The following CFAP20DC variants were observed in gnomAD, a reference collection of about 807,000 sequenced individuals.
CFAP20DC encodes CFAP20 domain containing.
In CFAP20DC, 84 loss-of-function variants were observed where a neutral mutation model predicts 101.7. The ratio of observed to expected loss-of-function variants is 0.83; its 90% CI spans 0.69 to 0.99. The LOEUF is 0.99. Ranked by LOEUF, CFAP20DC falls within the 50% of genes least tolerant of loss-of-function variation. The pLI is 0.00. For synonymous variants in CFAP20DC, 359 were observed against 351.2 expected (o/e 1.02, Z -0.25); for missense variants, 1,007 against 970.3 (o/e 1.04, Z -0.50).
intron 16 of CFAP20DC, among the ~76,000 whole-genome samples, chr3:58,743,469 T>C (rs528410043): frequency 6.6e-6 from 1 of 151,664 alleles, no homozygotes; most frequent in South Asian, 2.1e-4. Context: ...TAGAAAGAGG[T>C]AATAAGAAAA....
At chr3:58,980,505 C>A (rs904679461) in intron 4 of CFAP20DC, among the ~76,000 whole-genome samples, 76 of 152,154 alleles carry the variant, frequency 5.0e-4, no homozygotes, top group Non-Finnish European at 9.7e-4. Context: ...AGCTTATCCA[C>A]CATGATCAAG....
At chr3:58,959,521 TAGTCTTC>T (rs2090950751) in intron 4 of CFAP20DC, among the ~76,000 whole-genome samples, 1 of 152,232 alleles carries the variant, frequency 6.6e-6, no homozygotes, top group Admixed American at 6.5e-5. Context: ...GAAAAAAACC[TAGTCTTC>T]TGCCCATTAA....
At chr3:58,723,636 T>C (rs527900212) in intron 3 of CFAP20DC, among the ~76,000 whole-genome samples, 6 of 152,204 alleles carry the variant, frequency 3.9e-5, no homozygotes, top group South Asian at 2.1e-4. Flanking sequence ...TAGGAGCAGA[T>C]TGTGGTGACA....
chr3:58,766,672 TC>T (rs2070342770), intron 15 of CFAP20DC, among the ~76,000 whole-genome samples: 1 of 152,202 alleles, frequency 6.6e-6, no homozygotes, highest in South Asian at 2.1e-4. Context: ...TAGACTAGTC[TC>T]TACGTATTTT....
intron 13 of CFAP20DC, among the ~76,000 whole-genome samples, chr3:58,833,538 A>G (rs868447084): frequency 5.3e-5 from 8 of 152,258 alleles, no homozygotes; most frequent in Middle Eastern, 6.8e-3. Flanking sequence ...CTTCACACCC[A>G]TTAGGATGGT....
chr3:58,735,670 C>T (rs766087578), intron 3 of CFAP20DC, among the ~76,000 whole-genome samples: 1 of 152,116 alleles, frequency 6.6e-6, no homozygotes, highest in Non-Finnish European at 1.5e-5. Context: ...GTAGGAATCT[C>T]CATGAATGGG....
intron 3 of CFAP20DC, among the ~76,000 whole-genome samples, chr3:58,731,878 A>G (rs1285422151): frequency 6.6e-6 from 1 of 152,230 alleles, no homozygotes; most frequent in Non-Finnish European, 1.5e-5. Flanking sequence ...TTGTTGGTCA[A>G]TAGTGCCACC....
chr3:58,818,208 G>T (rs1045120478), intron 14 of CFAP20DC, among the ~76,000 whole-genome samples: 1 of 151,814 alleles, frequency 6.6e-6, no homozygotes, highest in African/African-American at 2.4e-5. Context: ...AAAGACCATC[G>T]AGACTAGAAA....
At chr3:58,807,529 A>C in intron 14 of CFAP20DC, among the ~76,000 whole-genome samples, 1 of 152,220 alleles carries the variant, frequency 6.6e-6, no homozygotes, top group East Asian at 1.9e-4. Flanking sequence ...AGGAAAACTA[A>C]CAAACAGAAA....
chr3:59,009,133 C>T (rs939322762), intron 4 of CFAP20DC, among the ~76,000 whole-genome samples: 1 of 151,938 alleles, frequency 6.6e-6, no homozygotes, highest in Non-Finnish European at 1.5e-5. Flanking sequence ...AAAGTCTGGT[C>T]CTTAGGAGAG....
intron 15 of CFAP20DC, among the ~76,000 whole-genome samples, chr3:58,773,263 G>T (rs1205042151): frequency 6.6e-6 from 1 of 151,694 alleles, no homozygotes; most frequent in East Asian, 1.9e-4. Context: ...TTAAAAATAT[G>T]AATTTGGCCA....
At chr3:59,026,688 A>G (rs962503557) in intron 4 of CFAP20DC, among the ~76,000 whole-genome samples, 3 of 152,188 alleles carry the variant, frequency 2.0e-5, no homozygotes, top group Non-Finnish European at 4.4e-5. Context: ...CACTTTACTT[A>G]GTTTAAAGTT....
At chr3:58,826,483 G>C (rs1394604319) in intron 14 of CFAP20DC, among the ~76,000 whole-genome samples, 1 of 152,046 alleles carries the variant, frequency 6.6e-6, no homozygotes. Flanking sequence ...GGGCACTGCT[G>C]TGTGATGTTT....
At chr3:59,011,558 AAAG>A (rs1487777812) in intron 4 of CFAP20DC, among the ~76,000 whole-genome samples, 5 of 152,164 alleles carry the variant, frequency 3.3e-5, no homozygotes, top group Non-Finnish European at 7.3e-5. Flanking sequence ...GGAACTAGAG[AAAG>A]AAGAACAAAT....
chr3:58,751,703 A>G (rs2068585088), intron 16 of CFAP20DC, among the ~76,000 whole-genome samples: 2 of 152,132 alleles, frequency 1.3e-5, no homozygotes, highest in Non-Finnish European at 1.5e-5. Context: ...CCAGTTCAAA[A>G]TCCACAAAGG....
chr3:58,852,324 C>A (rs1170334333), intron 12 of CFAP20DC, among the ~76,000 whole-genome samples: 1 of 151,938 alleles, frequency 6.6e-6, no homozygotes, highest in East Asian at 1.9e-4. Context: ...TACAGGAGCA[C>A]CCAGATTCAT....
rs1047524254 is a variant in CFAP20DC at position 59,014,820 on chromosome 3, T to C, written c.278+24737A>G. Among the ~76,000 whole-genome samples the C allele has an allele frequency of 6.6e-6, 1 of 152,106 alleles. No individual in the cohort carries two copies. The highest frequency in any genetic ancestry group is 1.5e-5 in the Non-Finnish European group (1 of 68,020). ...GGACCATGGCTATATGTAGTACTAC[T>C]CCTTAGCAGTATGCTTGACTGGTTT... On this transcript the variant is annotated intron_variant, in intron 4 of 16. Coordinates refer to ENST00000482387, the MANE Select transcript of CFAP20DC (RefSeq NM_001394063.1). The surrounding 1 kb of genome is among the most constrained non-coding windows in gnomAD (Gnocchi z 4.9).
At chr3:58,983,409 A>G (rs2092647553) in intron 4 of CFAP20DC, among the ~76,000 whole-genome samples, 1 of 152,202 alleles carries the variant, frequency 6.6e-6, no homozygotes, top group South Asian at 2.1e-4. Flanking sequence ...TTTCCAATTT[A>G]ACAAACAAAA....
intron 4 of CFAP20DC, among the ~76,000 whole-genome samples, chr3:59,031,017 T>C (rs529657362): frequency 1.3e-3 from 197 of 152,104 alleles, no homozygotes; most frequent in Non-Finnish European, 2.0e-3. Flanking sequence ...AGAGATGGGG[T>C]TTCACCATGT....
Sources: allele counts gnomAD v4.1 joint callset (sites outside exome capture counted in the v4.1 genomes callset), GRCh38; gene constraint gnomAD v4.1.1; non-coding constraint Gnocchi (gnomAD v3.1); transcripts MANE v1.5; gene names NCBI Gene and HGNC (gene_info 2026-07-23, HGNC 2026-07-21).